The following TNFSF4 variants were observed in gnomAD, a reference collection of about 807,000 sequenced individuals.
TNFSF4 encodes TNF superfamily member 4.
In TNFSF4, 4 loss-of-function variants were observed where a neutral mutation model predicts 7.3. The observed-to-expected ratio is 0.55, with a 90% CI of 0.27 to 1.25. The LOEUF is 1.25. Among genes scored for constraint, TNFSF4 ranks in the 50% most tolerant of loss-of-function variants. TNFSF4 has a pLI of 0.12. For missense variants in TNFSF4, 181 were observed against 208.8 expected (o/e 0.87, Z 0.82); for synonymous variants, 76 against 83.7 (o/e 0.91, Z 0.50).
the TNFSF4 span, among the ~76,000 whole-genome samples, chr1:173,339,005 G>A: frequency 6.6e-5 from 10 of 152,078 alleles, no homozygotes; most frequent in Non-Finnish European, 1.0e-4. Flanking sequence ...TGTGATTAAG[G>A]TCAGCGGAAA....
At position 173,207,005 on chromosome 1, in the gene TNFSF4, G is replaced by C. The variant is rs563407983; in HGVS notation, c.153+19C>G. ...CAGCATGAGCTGGTGGGAAAACAGC[G>C]CCCAGTGGTGCATCTTACCTGAAGA... is the stretch of plus-strand genomic sequence containing the variant. On this transcript the variant is annotated intron_variant, in intron 1 of 2. Transcript: ENST00000281834. The C allele has an allele frequency of 1.9e-6, 3 of 1,584,738 alleles. No homozygotes were observed. In the South Asian group the frequency reaches 3.4e-5, roughly 18 times the overall value.
chr1:173,256,040 C>T, the TNFSF4 span, among the ~76,000 whole-genome samples: 1 of 152,192 alleles, frequency 6.6e-6, no homozygotes, highest in Non-Finnish European at 1.5e-5. Context: ...GCCAAACGCA[C>T]CAAGGCTGAA....
the TNFSF4 span, among the ~76,000 whole-genome samples, chr1:173,365,625 T>A: frequency 6.6e-6 from 1 of 152,210 alleles, no homozygotes; most frequent in Non-Finnish European, 1.5e-5. Flanking sequence ...TTTTTGATTA[T>A]TTTTTGTTTA....
the TNFSF4 span, among the ~76,000 whole-genome samples, chr1:173,447,152 A>G: frequency 6.6e-6 from 1 of 152,224 alleles, no homozygotes; most frequent in Non-Finnish European, 1.5e-5. Context: ...TATATATTGT[A>G]TGATTCCTAC....
chr1:173,174,768 A>C, the TNFSF4 span, among the ~76,000 whole-genome samples: 3 of 152,270 alleles, frequency 2.0e-5, no homozygotes, highest in Admixed American at 2.0e-4. Context: ...AACCATATCA[A>C]TTGCTGTCTC....
chr1:173,433,965 G>A, the TNFSF4 span, among the ~76,000 whole-genome samples: 1 of 152,188 alleles, frequency 6.6e-6, no homozygotes, highest in Non-Finnish European at 1.5e-5. Flanking sequence ...ATATGTAAAA[G>A]GAGAATGCCA....
chr1:173,284,259 C>T, the TNFSF4 span, among the ~76,000 whole-genome samples: 11 of 152,188 alleles, frequency 7.2e-5, no homozygotes, highest in African/African-American at 2.7e-4. Context: ...AAGACCTCCA[C>T]TTTAACCTAT....
At chr1:173,279,307 T>C in the TNFSF4 span, among the ~76,000 whole-genome samples, 1 of 152,132 alleles carries the variant, frequency 6.6e-6, no homozygotes, top group Admixed American at 6.6e-5. Flanking sequence ...AAGCCCATAC[T>C]CTTACCTGGT....
At chr1:173,205,120 A>T (rs1309856787) in intron 1 of TNFSF4, among the ~76,000 whole-genome samples, 1 of 152,218 alleles carries the variant, frequency 6.6e-6, no homozygotes, top group Non-Finnish European at 1.5e-5. Context: ...TACATTAGCT[A>T]ATTAGAAATA....
the TNFSF4 span, among the ~76,000 whole-genome samples, chr1:173,352,436 A>G: frequency 1.6e-4 from 24 of 152,296 alleles, no homozygotes; most frequent in African/African-American, 4.6e-4. Flanking sequence ...TAGAGTACAA[A>G]AGAGAGAAAT....
At chr1:173,269,491 A>G in the TNFSF4 span, among the ~76,000 whole-genome samples, 3 of 152,140 alleles carry the variant, frequency 2.0e-5, no homozygotes, top group Non-Finnish European at 4.4e-5. Context: ...GATTTCCAGC[A>G]TCACTATTTT....
the TNFSF4 span, among the ~76,000 whole-genome samples, chr1:173,176,998 G>A: frequency 2.1e-4 from 32 of 152,148 alleles, no homozygotes; most frequent in African/African-American, 7.5e-4. Context: ...GTTAGGAGAG[G>A]ATAAAAAACT....
At chr1:173,325,824 T>C in the TNFSF4 span, among the ~76,000 whole-genome samples, 2 of 152,118 alleles carry the variant, frequency 1.3e-5, no homozygotes, top group Non-Finnish European at 2.9e-5. Flanking sequence ...AGGAAGAAGT[T>C]GAATCTCTGA....
downstream of TNFSF4, among the ~76,000 whole-genome samples, chr1:173,181,810 TAAC>T (rs1428240459): frequency 2.0e-5 from 3 of 152,170 alleles, no homozygotes; most frequent in Non-Finnish European, 4.4e-5. Flanking sequence ...ATTTACATTT[TAAC>T]AACATCTTTC....
chr1:173,446,431 G>A, the TNFSF4 span, among the ~76,000 whole-genome samples: 10 of 152,174 alleles, frequency 6.6e-5, no homozygotes, highest in Non-Finnish European at 1.3e-4. Flanking sequence ...CCTTGAAGCA[G>A]CCAAGACTGT....
the TNFSF4 span, among the ~76,000 whole-genome samples, chr1:173,326,268 C>T: frequency 0.027 from 4,152 of 152,280 alleles, 115 homozygotes; most frequent in East Asian, 0.13. Context: ...ACAAAAACCA[C>T]ATGATTATCT....
the TNFSF4 span, among the ~76,000 whole-genome samples, chr1:173,344,775 C>G: frequency 1.3e-5 from 2 of 152,156 alleles, no homozygotes; most frequent in African/African-American, 2.4e-5. Flanking sequence ...AAAGCAGATA[C>G]CAAATTACTT....
chr1:173,223,165 A>T, the TNFSF4 span, among the ~76,000 whole-genome samples: 2 of 152,230 alleles, frequency 1.3e-5, no homozygotes. Flanking sequence ...TTATTAATAA[A>T]TGTGGGAAAG....
chr1:173,178,590 A>G, the TNFSF4 span, among the ~76,000 whole-genome samples: 1 of 152,176 alleles, frequency 6.6e-6, no homozygotes, highest in African/African-American at 2.4e-5. Context: ...AAAAAATTTA[A>G]AAATTAAAAA....
Sources: allele counts gnomAD v4.1 joint callset (sites outside exome capture counted in the v4.1 genomes callset), GRCh38; gene constraint gnomAD v4.1.1; transcripts MANE v1.5; gene names NCBI Gene and HGNC (gene_info 2026-07-23, HGNC 2026-07-21).